LRRIQ4: variants seen among roughly 807,000 people sequenced by gnomAD.
LRRIQ4 encodes the protein leucine-rich repeat and IQ domain-containing protein 4.
LRRIQ4 carries 21 observed loss-of-function variants against 40.1 expected under a neutral mutation model. That is an observed-to-expected ratio of 0.52 (90% CI 0.37 to 0.75). The LOEUF (loss-of-function observed/expected upper bound fraction) is 0.75. Among genes scored for constraint, LRRIQ4 ranks in the 30% least tolerant of loss-of-function variants. The pLI, the probability that LRRIQ4 is intolerant of heterozygous loss-of-function variation, is 0.00. For synonymous variants in LRRIQ4, 277 were observed against 277.1 expected (o/e 1.00, Z 0.00); for missense variants, 655 against 660.0 (o/e 0.99, Z 0.08).
intron 5 of LRRIQ4, among the ~76,000 whole-genome samples, chr3:169,836,270 T>A (rs1403244387): frequency 6.6e-6 from 1 of 151,698 alleles, no homozygotes; most frequent in Non-Finnish European, 1.5e-5. Flanking sequence ...AATAAGATTG[T>A]CAGAGTAGGC....
At chr3:169,814,636 C>G (rs1162644437) in intron 1 of LRRIQ4, among the ~76,000 whole-genome samples, 1 of 152,150 alleles carries the variant, frequency 6.6e-6, no homozygotes, top group Non-Finnish European at 1.5e-5. Context: ...CAGGCGCCCC[C>G]CACTACGCCC....
At chr3:169,821,639 T>C (rs1017690724) in intron 1 of LRRIQ4, among the ~76,000 whole-genome samples, 1 of 151,392 alleles carries the variant, frequency 6.6e-6, no homozygotes, top group South Asian at 2.1e-4. Flanking sequence ...AAACTCCGTC[T>C]CAAAAATAAA....
In LRRIQ4 at chr3:169,829,546, CTTG is replaced by C. The variant is rs546938805; in HGVS notation, c.1194+618_1194+620del. Among the ~76,000 whole-genome samples the C allele has an allele frequency of 6.7e-4, 99 of 147,594 alleles. No individual in the cohort carries two copies. The Middle Eastern group carries it at 0.01, about 15-fold the overall frequency. ...CTTTTTTTTTTGACAGAGTTTCGCTCTTGTTGCCCAGGCTGGAGTGCAATGGCT... is the reference window on the plus strand; with the variant it reads ...CTTTTTTTTTTGACAGAGTTTCGCTCTTGCCCAGGCTGGAGTGCAATGGCT... On this transcript the variant is annotated intron_variant, in intron 3 of 5. Transcript: ENST00000340806.
intron 5 of LRRIQ4, among the ~76,000 whole-genome samples, chr3:169,837,005 G>T (rs549673536): frequency 6.6e-6 from 1 of 152,224 alleles, no homozygotes; most frequent in Non-Finnish European, 1.5e-5. Context: ...GGTGTTGCTG[G>T]GTAGGTAGGA....
intron 2 of LRRIQ4, among the ~76,000 whole-genome samples, chr3:169,826,469 C>T (rs9812822): frequency 0.016 from 2,360 of 152,008 alleles, 65 homozygotes; most frequent in African/African-American, 0.054. Context: ...ATGTCAGTTA[C>T]AGTGTCATCA....
chr3:169,827,532 G>A (rs1576766503), intron 2 of LRRIQ4, among the ~76,000 whole-genome samples: 1 of 148,516 alleles, frequency 6.7e-6, no homozygotes. Flanking sequence ...GCGTGAACCC[G>A]GGAAGCGGAG....
intron 1 of LRRIQ4, among the ~76,000 whole-genome samples, chr3:169,813,707 C>T (rs970454159): frequency 2.0e-5 from 3 of 152,184 alleles, no homozygotes; most frequent in African/African-American, 7.2e-5. Flanking sequence ...GTCTTTGAGC[C>T]CCTGTGCTCG....
intron 1 of LRRIQ4, among the ~76,000 whole-genome samples, chr3:169,819,306 G>A (rs1779825764): frequency 1.3e-5 from 2 of 152,124 alleles, no homozygotes; most frequent in South Asian, 2.1e-4. Context: ...ATAGCTTTCA[G>A]AGGGCCGTCA....
At chr3:169,833,798 C>G (rs556793916) in intron 5 of LRRIQ4, among the ~76,000 whole-genome samples, 1 of 152,174 alleles carries the variant, frequency 6.6e-6, no homozygotes, top group African/African-American at 2.4e-5. Flanking sequence ...ACCTTCTGCT[C>G]AGCAGTTGCA....
chr3:169,831,139 T>C (rs767067917), intron 4 of LRRIQ4, among the ~76,000 whole-genome samples: 1 of 151,854 alleles, frequency 6.6e-6, no homozygotes, highest in Non-Finnish European at 1.5e-5. Flanking sequence ...ATTCTTTGTC[T>C]GTACATTCAT....
chr3:169,821,680 C>CTT (rs201578463), intron 1 of LRRIQ4, among the ~76,000 whole-genome samples: 2,302 of 147,384 alleles, frequency 0.016, 61 homozygotes, highest in African/African-American at 0.054. Flanking sequence ...AAGTTAATCT[C>CTT]TTTTTTTTTT....
intron 5 of LRRIQ4, among the ~76,000 whole-genome samples, chr3:169,836,292 A>C (rs1780300364): frequency 6.6e-6 from 1 of 152,208 alleles, no homozygotes; most frequent in Non-Finnish European, 1.5e-5. Context: ...TCACTGAAAA[A>C]ATGGCAGTCT....
At chr3:169,819,611 G>A (rs1441405396) in intron 1 of LRRIQ4, among the ~76,000 whole-genome samples, 1 of 152,192 alleles carries the variant, frequency 6.6e-6, no homozygotes, top group African/African-American at 2.4e-5. Flanking sequence ...GTTGTGTCCA[G>A]TTCTCTGCTC....
At chr3:169,831,262 T>C (rs1780166307) in intron 4 of LRRIQ4, among the ~76,000 whole-genome samples, 2 of 67,110 alleles carry the variant, frequency 3.0e-5, no homozygotes, top group South Asian at 1.2e-3. Flanking sequence ...ATGGCTATTC[T>C]TTTTTTTTTT....
At position 169,816,193 on chromosome 3, in the gene LRRIQ4, T is replaced by C. The variant is rs1576757903; in HGVS notation, c.-32+3147T>C. On this transcript the variant is annotated intron_variant, in intron 1 of 5. Coordinates refer to ENST00000340806, the MANE Select transcript of LRRIQ4 (RefSeq NM_001080460.3). ...CCTCATAGAACGAATTTGGAAGTAG[T>C]TTTTCCTCCTCTATTTTTCAGAACA... Among the ~76,000 whole-genome samples the C allele has an allele frequency of 2.0e-5, 3 of 152,200 alleles. No individual in the cohort carries two copies. The East Asian group carries it at 5.8e-4, about 29-fold the overall frequency.
intron 4 of LRRIQ4, 134 bp downstream of exon 4, chr3:169,830,764 G>A: frequency 9.0e-7 from 1 of 1,114,284 alleles, no homozygotes; most frequent in Non-Finnish European, 1.3e-6. Flanking sequence ...CTTCCTTGCA[G>A]GGCTCACTTA....
intron 5 of LRRIQ4, 96 bp from the exon 6 acceptor site, chr3:169,837,383 C>T (rs919365017): frequency 3.2e-5 from 42 of 1,322,814 alleles, no homozygotes; most frequent in South Asian, 1.2e-4. Context: ...ATTCTCTCCA[C>T]GTCTTCAAGA....
At chr3:169,815,200 T>C (rs1453924856) in intron 1 of LRRIQ4, among the ~76,000 whole-genome samples, 1 of 152,206 alleles carries the variant, frequency 6.6e-6, no homozygotes, top group East Asian at 1.9e-4. Context: ...ATAGGAATTG[T>C]ATATAATCTG....
intron 5 of LRRIQ4, among the ~76,000 whole-genome samples, chr3:169,835,240 C>G (rs1780279165): frequency 6.6e-6 from 1 of 152,152 alleles, no homozygotes; most frequent in Non-Finnish European, 1.5e-5. Flanking sequence ...GACATGTCAA[C>G]TAGGCTTCCC....
Sources: gnomAD v4.1 joint callset for allele counts (sites outside exome capture counted in the v4.1 genomes callset) on GRCh38, gnomAD v4.1.1 for gene constraint, MANE v1.5 for transcripts, NCBI Gene and HGNC (gene_info 2026-07-23, HGNC 2026-07-21) for gene names.